The following SCN8A variants were observed in gnomAD, a reference collection of about 807,000 sequenced individuals.
SCN8A encodes sodium channel protein type 8 subunit alpha.
In SCN8A, 30 loss-of-function variants were observed where a neutral mutation model predicts 184.1. The observed-to-expected ratio is 0.16, with a 90% CI of 0.12 to 0.22. SCN8A has a LOEUF of 0.22. Among genes scored for constraint, SCN8A ranks in the 10% least tolerant of loss-of-function variants. The pLI is 1.00. For missense variants in SCN8A, 1,057 were observed against 2,498.9 expected, an observed-to-expected ratio of 0.42 and a Z score of 12.30; for synonymous variants, 852 against 907.0, an observed-to-expected ratio of 0.94 and a Z score of 1.09.
rs543636941 is a variant in SCN8A at position 51,743,598 on chromosome 12, A to T, written c.1999-2305A>T. Among the ~76,000 whole-genome samples the T allele has an allele frequency of 2.2e-4, 34 of 152,236 alleles. 1 individual carries two copies. The South Asian group carries it at 6.4e-3, about 29-fold the overall frequency. ...TGATGTAAGCACCCCTCTGGCCATT[A>T]CTGCTGAGACTGCTGGGTCAGACTT... On this transcript the variant is annotated intron_variant, in intron 12 of 26. Coordinates refer to ENST00000627620, the MANE Select transcript of SCN8A (RefSeq NM_001330260.2).
chr12:51,714,521 A>G (rs1221926984), intron 11 of SCN8A, among the ~76,000 whole-genome samples: 3 of 152,350 alleles, frequency 2.0e-5, no homozygotes, highest in Admixed American at 1.3e-4. Flanking sequence ...ATAAAAGCAC[A>G]TATCATCTCA....
At chr12:51,625,580 A>G (rs969399969) in intron 1 of SCN8A, among the ~76,000 whole-genome samples, 3 of 152,192 alleles carry the variant, frequency 2.0e-5, no homozygotes, top group Admixed American at 1.3e-4. Context: ...ACTTTATAGG[A>G]AGTTGTCAAA....
intron 1 of SCN8A, among the ~76,000 whole-genome samples, chr12:51,603,114 C>T (rs1265339843): frequency 6.6e-6 from 1 of 152,066 alleles, no homozygotes; most frequent in Non-Finnish European, 1.5e-5. Flanking sequence ...GTGCCACAAT[C>T]AGGATACAGA....
intron 11 of SCN8A, among the ~76,000 whole-genome samples, chr12:51,721,093 A>ATATATATATATAATATTTATTTATTGT (rs1565899331): frequency 5.0e-4 from 36 of 72,158 alleles, no homozygotes; most frequent in African/African-American, 1.6e-3. Context: ...ATATATATAT[A>ATATATATATATAATATTTATTTATTGT]TATATATATA....
At chr12:51,781,393 TC>T (rs1937917146) in intron 21 of SCN8A, among the ~76,000 whole-genome samples, 1 of 152,114 alleles carries the variant, frequency 6.6e-6, no homozygotes, top group Admixed American at 6.6e-5. Context: ...AAAGCTTTTT[TC>T]CTCACCCCCA....
intron 25 of SCN8A, among the ~76,000 whole-genome samples, chr12:51,790,835 T>G (rs537660609): frequency 2.6e-5 from 4 of 152,220 alleles, no homozygotes; most frequent in Non-Finnish European, 5.9e-5. Context: ...GTTGCTCTCT[T>G]TCCTGCCAGT....
At chr12:51,767,337 C>G (rs930904586) in intron 16 of SCN8A, among the ~76,000 whole-genome samples, 3 of 152,212 alleles carry the variant, frequency 2.0e-5, no homozygotes, top group African/African-American at 7.2e-5. Context: ...GCTGTTACCA[C>G]TACCCCCTGA....
rs955779876 is a variant in SCN8A at position 51,792,373 on chromosome 12, T to C, written c.4524+1871T>C. ...GTAGCATGCCTGTAGTCCCAGCTAC[T>C]GAGAAGGCTGAGGTGAGAGGATGGC... On this transcript the variant is annotated intron_variant, in intron 25 of 26. Transcript: ENST00000627620. Among the ~76,000 whole-genome samples the C allele has an allele frequency of 6.7e-5, 10 of 148,520 alleles. 1 individual carries two copies. The highest frequency in any genetic ancestry group is 2.0e-4 in the African/African-American group (8 of 40,186).
chr12:51,644,917 G>A (rs1301768749), intron 1 of SCN8A, among the ~76,000 whole-genome samples: 22 of 151,006 alleles, frequency 1.5e-4, no homozygotes, highest in African/African-American at 3.7e-4. Context: ...GAGACCCTCC[G>A]CCCGGCAGCC....
intron 1 of SCN8A, among the ~76,000 whole-genome samples, chr12:51,636,385 C>T (rs1940318813): frequency 6.6e-6 from 1 of 152,096 alleles, no homozygotes; most frequent in Non-Finnish European, 1.5e-5. Flanking sequence ...GCCTGTTGGC[C>T]CATCACCATC....
chr12:51,719,910 A>G (rs1942022303), intron 11 of SCN8A, among the ~76,000 whole-genome samples: 1 of 151,916 alleles, frequency 6.6e-6, no homozygotes, highest in Non-Finnish European at 1.5e-5. Context: ...CCCCGTCTCT[A>G]CTAAAAATAC....
At chr12:51,642,228 C>T (rs768101232) in intron 1 of SCN8A, among the ~76,000 whole-genome samples, 89 of 152,070 alleles carry the variant, frequency 5.9e-4, no homozygotes, top group Non-Finnish European at 1.1e-3. Context: ...GGAATGATCT[C>T]TTCTTAGAAA....
chr12:51,627,170 T>C (rs1940096575), intron 1 of SCN8A, among the ~76,000 whole-genome samples: 2 of 152,190 alleles, frequency 1.3e-5, no homozygotes, highest in East Asian at 3.8e-4. Context: ...GTTGGTTTTG[T>C]TGTTAACATA....
chr12:51,655,331 T>C (rs1940800375), intron 1 of SCN8A, among the ~76,000 whole-genome samples: 1 of 151,896 alleles, frequency 6.6e-6, no homozygotes, highest in Non-Finnish European at 1.5e-5. Flanking sequence ...ATTTGGATTC[T>C]ACTTTGTTTG....
At chr12:51,716,513 A>T (rs888732166) in intron 11 of SCN8A, among the ~76,000 whole-genome samples, 20 of 152,320 alleles carry the variant, frequency 1.3e-4, no homozygotes, top group Admixed American at 1.0e-3. Context: ...CTGGAAACAG[A>T]GGAAATAAAG....
intron 14 of SCN8A, among the ~76,000 whole-genome samples, chr12:51,752,847 C>G (rs1446856716): frequency 6.6e-6 from 1 of 152,086 alleles, no homozygotes; most frequent in Non-Finnish European, 1.5e-5. Flanking sequence ...ATTTTAGTAG[C>G]CAAGAGTTAA....
At chr12:51,676,068 G>A (rs1034322890) in intron 2 of SCN8A, among the ~76,000 whole-genome samples, 2 of 152,120 alleles carry the variant, frequency 1.3e-5, no homozygotes, top group African/African-American at 4.8e-5. Context: ...TCTCAGTATC[G>A]TGTAATAGAG....
intron 25 of SCN8A, among the ~76,000 whole-genome samples, chr12:51,794,154 CAAACAGA>C (rs1354962861): frequency 6.6e-6 from 1 of 152,060 alleles, no homozygotes; most frequent in Non-Finnish European, 1.5e-5. Flanking sequence ...TCAAGAAAAA[CAAACAGA>C]AAACAGAGAG....
intron 8 of SCN8A, among the ~76,000 whole-genome samples, chr12:51,701,633 T>G (rs1315572435): frequency 6.6e-6 from 1 of 152,214 alleles, no homozygotes; most frequent in Non-Finnish European, 1.5e-5. Context: ...ATCCTGATAC[T>G]TCCTGCTCTA....
Sources: allele counts gnomAD v4.1 joint callset (sites outside exome capture counted in the v4.1 genomes callset), GRCh38; gene constraint gnomAD v4.1.1; transcripts MANE v1.5; gene names NCBI Gene and HGNC (gene_info 2026-07-23, HGNC 2026-07-21).